Variants in CNTN5 observed in about 807,000 individuals in gnomAD.
The protein encoded by CNTN5 is contactin 5.
A neutral mutation model predicts 129.1 loss-of-function variants in CNTN5; 77 were observed. The ratio of observed to expected loss-of-function variants is 0.60; its 90% CI spans 0.50 to 0.72. The LOEUF is 0.72. CNTN5 is among the 30% of genes least tolerant of loss of function. CNTN5 has a pLI of 0.00. For missense variants in CNTN5, 1,478 were observed against 1,328.8 expected (o/e 1.11, Z -1.75); for synonymous variants, 509 against 465.6 (o/e 1.09, Z -1.20).
intron 21 of CNTN5, among the ~76,000 whole-genome samples, chr11:100,336,309 G>T (rs1944176): frequency 1.2e-4 from 18 of 152,248 alleles, no homozygotes; most frequent in Admixed American, 1.0e-3. Context: ...TTGCACGGCA[G>T]CATTTTAATT....
intron 9 of CNTN5, among the ~76,000 whole-genome samples, chr11:100,019,497 AT>A (rs1331653731): frequency 1.3e-5 from 2 of 151,990 alleles, no homozygotes; most frequent in East Asian, 3.9e-4. Context: ...CTCCAGGTTC[AT>A]CCATGTTGTT....
chr11:99,494,714 C>T (rs1441644019), intron 2 of CNTN5, among the ~76,000 whole-genome samples: 4 of 152,122 alleles, frequency 2.6e-5, no homozygotes. Flanking sequence ...TGAACGAGTG[C>T]AGGCTAACCA....
In CNTN5 at chr11:99,415,581, G is replaced by A. The variant is rs564982975; in HGVS notation, c.-71+90097G>A. 2.0e-5 allele frequency among the ~76,000 whole-genome samples: 3 copies of A among 152,292 alleles called. No homozygotes were observed. In the East Asian group the frequency reaches 5.8e-4, roughly 29 times the overall value. On this transcript the variant is annotated intron_variant, in intron 2 of 24. Transcript: ENST00000524871. ...TTATGGCTGTCTTTGACGAAAGGGA[G>A]TTCTGGTTTCTATGACTCACATTGT...
intron 2 of CNTN5, among the ~76,000 whole-genome samples, chr11:99,326,108 T>C (rs1289485939): frequency 6.6e-6 from 1 of 152,218 alleles, no homozygotes; most frequent in African/African-American, 2.4e-5. Context: ...CTGGGCATTG[T>C]GTAATAATAA....
intron 15 of CNTN5, among the ~76,000 whole-genome samples, chr11:100,221,668 C>G (rs1949268771): frequency 6.6e-6 from 1 of 152,110 alleles, no homozygotes; most frequent in African/African-American, 2.4e-5. Context: ...TTTACTCATT[C>G]AACAAATAGT....
At chr11:99,043,742 T>G (rs568551646) in intron 1 of CNTN5, among the ~76,000 whole-genome samples, 1 of 152,282 alleles carries the variant, frequency 6.6e-6, no homozygotes, top group Non-Finnish European at 1.5e-5. Flanking sequence ...ATAACAAAAT[T>G]AAGACAGTCT....
At chr11:99,343,234 GA>G (rs1452215464) in intron 2 of CNTN5, among the ~76,000 whole-genome samples, 1 of 152,168 alleles carries the variant, frequency 6.6e-6, no homozygotes, top group Non-Finnish European at 1.5e-5. Flanking sequence ...AGTAGATTTA[GA>G]CAGACACAAT....
chr11:99,335,226 A>T (rs1227987160), intron 2 of CNTN5, among the ~76,000 whole-genome samples: 4 of 152,138 alleles, frequency 2.6e-5, no homozygotes, highest in African/African-American at 9.7e-5. Flanking sequence ...GAGATCAAGA[A>T]GTAACTAGTT....
At chr11:99,211,277 G>A (rs1294141944) in intron 1 of CNTN5, among the ~76,000 whole-genome samples, 2 of 152,030 alleles carry the variant, frequency 1.3e-5, no homozygotes, top group African/African-American at 4.8e-5. Context: ...TTTGTAACCT[G>A]CTGTGAAAGG....
At chr11:99,365,355 A>T (rs1441446414) in intron 2 of CNTN5, among the ~76,000 whole-genome samples, 2 of 152,216 alleles carry the variant, frequency 1.3e-5, no homozygotes, top group Non-Finnish European at 2.9e-5. Context: ...GACAAAATAG[A>T]GTCTTTCCAA....
At chr11:100,057,004 A>G (rs999013696) in intron 9 of CNTN5, among the ~76,000 whole-genome samples, 2 of 151,610 alleles carry the variant, frequency 1.3e-5, no homozygotes, top group Non-Finnish European at 1.5e-5. Flanking sequence ...TTAATTCTGT[A>G]TGCAAAGATT....
intron 1 of CNTN5, among the ~76,000 whole-genome samples, chr11:99,324,502 T>C (rs1865699419): frequency 6.6e-6 from 1 of 152,210 alleles, no homozygotes. Context: ...AGAAATATGT[T>C]ATTAGATTCT....
intron 8 of CNTN5, among the ~76,000 whole-genome samples, chr11:99,981,852 C>G (rs1938370622): frequency 6.6e-6 from 1 of 152,144 alleles, no homozygotes; most frequent in Admixed American, 6.5e-5. Context: ...AATAACTTAC[C>G]ATAATCAGAG....
At chr11:100,183,441 T>A (rs1948199319) in intron 13 of CNTN5, among the ~76,000 whole-genome samples, 1 of 152,200 alleles carries the variant, frequency 6.6e-6, no homozygotes, top group African/African-American at 2.4e-5. Flanking sequence ...GAATTACTGA[T>A]AATTGGAGCC....
At chr11:99,401,636 G>T (rs576613015) in intron 2 of CNTN5, among the ~76,000 whole-genome samples, 6 of 152,046 alleles carry the variant, frequency 3.9e-5, no homozygotes, top group Admixed American at 1.3e-4. Context: ...GGGTGTTTTG[G>T]TAGGTACTGC....
At chr11:100,137,419 G>A (rs1946562623) in intron 13 of CNTN5, among the ~76,000 whole-genome samples, 1 of 152,082 alleles carries the variant, frequency 6.6e-6, no homozygotes. Flanking sequence ...TGGGCCAGGT[G>A]CTATGCTAAA....
chr11:100,203,435 T>TA (rs1948829968), intron 15 of CNTN5, among the ~76,000 whole-genome samples: 1 of 151,966 alleles, frequency 6.6e-6, no homozygotes, highest in Non-Finnish European at 1.5e-5. Flanking sequence ...CTGAAGAAAA[T>TA]AATTGGTATC....
intron 1 of CNTN5, among the ~76,000 whole-genome samples, chr11:99,178,535 G>A (rs904885751): frequency 2.6e-5 from 4 of 151,474 alleles, no homozygotes; most frequent in Non-Finnish European, 4.4e-5. Context: ...AAAAGAGAAC[G>A]AAACCTAGCA....
chr11:99,999,722 G>A (rs1387200309), intron 8 of CNTN5, among the ~76,000 whole-genome samples: 1 of 152,004 alleles, frequency 6.6e-6, no homozygotes, highest in Admixed American at 6.6e-5. Context: ...GTTTATTGCA[G>A]CACTATTCAC....
Sources: gnomAD v4.1 joint callset for allele counts (sites outside exome capture counted in the v4.1 genomes callset) on GRCh38, gnomAD v4.1.1 for gene constraint, MANE v1.5 for transcripts, NCBI Gene and HGNC (gene_info 2026-07-23, HGNC 2026-07-21) for gene names.